SGCD: variants seen among roughly 807,000 people sequenced by gnomAD.
The protein encoded by SGCD is delta-sarcoglycan.
In SGCD, 18 loss-of-function variants were observed where a neutral mutation model predicts 36.6. The observed-to-expected ratio is 0.49, with a 90% CI of 0.34 to 0.73. The LOEUF is 0.73. Among genes scored for constraint, SGCD ranks in the 30% least tolerant of loss-of-function variants. The pLI is 0.01. For missense variants in SGCD, 387 were observed against 346.7 expected (o/e 1.12, Z -0.92); for synonymous variants, 133 against 130.6 (o/e 1.02, Z -0.12).
chr5:155,976,466 A>C (rs973140823), intron 1 of SGCD, among the ~76,000 whole-genome samples: 1 of 152,216 alleles, frequency 6.6e-6, no homozygotes, highest in African/African-American at 2.4e-5. Context: ...CCAGAACCAA[A>C]GCTGTTAACC....
intron 1 of SGCD, among the ~76,000 whole-genome samples, chr5:156,016,913 A>G (rs73810396): frequency 0.059 from 9,040 of 152,206 alleles, 941 homozygotes; most frequent in African/African-American, 0.21. Flanking sequence ...ACATTTGTGT[A>G]TATTCCTTGA....
chr5:156,541,207 A>G (rs1371230893), intron 4 of SGCD, among the ~76,000 whole-genome samples: 3 of 152,216 alleles, frequency 2.0e-5, no homozygotes, highest in African/African-American at 4.8e-5. Context: ...GAAGAGCTGT[A>G]CAAGTTAAGC....
chr5:156,725,358 T>C (rs116890356), intron 7 of SGCD, among the ~76,000 whole-genome samples: 1 of 152,356 alleles, frequency 6.6e-6, no homozygotes, highest in East Asian at 1.9e-4. Context: ...CTATGATTTA[T>C]TAATAGATAT....
At chr5:156,112,575 G>T (rs1330513105) in intron 1 of SGCD, among the ~76,000 whole-genome samples, 3 of 151,808 alleles carry the variant, frequency 2.0e-5, no homozygotes, top group South Asian at 2.1e-4. Context: ...TTATGGTTTG[G>T]TTTTTTTTGA....
rs116264535 is a variant in SGCD at position 156,468,869 on chromosome 5, G to A, written c.193-39732G>A. Among the ~76,000 whole-genome samples the A allele has an allele frequency of 7.0e-3, 1,060 of 152,218 alleles. 16 individuals are homozygous for A. Among genetic ancestry groups the A allele is most frequent in the African/African-American group, 0.024 (997 of 41,544 alleles). ...TAGCCAGGCGTGATGGCACATGCCC[G>A]TAATCCCAACTACTCAGGAGACTGA... On this transcript the variant is annotated intron_variant, in intron 3 of 8. Transcript: ENST00000337851.
chr5:156,250,237 T>C (rs1275201830), intron 3 of SGCD, among the ~76,000 whole-genome samples: 1 of 152,232 alleles, frequency 6.6e-6, no homozygotes, highest in Non-Finnish European at 1.5e-5. Flanking sequence ...CTGTTACCAC[T>C]GATATTTCCC....
intron 7 of SGCD, among the ~76,000 whole-genome samples, chr5:156,696,619 C>T (rs1270690808): frequency 6.6e-6 from 1 of 152,234 alleles, no homozygotes; most frequent in South Asian, 2.1e-4. Flanking sequence ...AAGCGATTCT[C>T]CTGCCTCAGC....
chr5:156,211,451 C>CA (rs1362285474), intron 3 of SGCD, among the ~76,000 whole-genome samples: 2 of 151,600 alleles, frequency 1.3e-5, no homozygotes, highest in Non-Finnish European at 2.9e-5. Flanking sequence ...ACTAAAAATA[C>CA]AAAAAAATTA....
intron 4 of SGCD, among the ~76,000 whole-genome samples, chr5:156,541,947 A>T (rs1431940387): frequency 6.6e-6 from 1 of 152,188 alleles, no homozygotes; most frequent in Non-Finnish European, 1.5e-5. Context: ...ACAACTTGGC[A>T]TTTTATTCCT....
At chr5:156,383,351 A>G (rs1771096915) in intron 3 of SGCD, among the ~76,000 whole-genome samples, 2 of 152,022 alleles carry the variant, frequency 1.3e-5, no homozygotes, top group African/African-American at 4.8e-5. Context: ...TAAAAATACA[A>G]AAATTACCCG....
intron 3 of SGCD, among the ~76,000 whole-genome samples, chr5:156,485,388 C>A (rs774315175): frequency 6.6e-6 from 1 of 152,120 alleles, no homozygotes; most frequent in Non-Finnish European, 1.5e-5. Context: ...GTGGGCCATG[C>A]GTGGTGGCTC....
At chr5:155,819,857 C>T in the SGCD span, among the ~76,000 whole-genome samples, 1 of 152,122 alleles carries the variant, frequency 6.6e-6, no homozygotes, top group Admixed American at 6.5e-5. Context: ...CTCTTGTGAC[C>T]TCAACATTTT....
the SGCD span, among the ~76,000 whole-genome samples, chr5:155,756,668 C>T: frequency 0.28 from 41,913 of 152,050 alleles, 7,357 homozygotes; most frequent in East Asian, 0.42. Context: ...GCCACAGTTG[C>T]AATTTCATGT....
intron 1 of SGCD, among the ~76,000 whole-genome samples, chr5:155,905,041 A>G (rs1183904296): frequency 1.3e-5 from 2 of 152,160 alleles, no homozygotes; most frequent in Admixed American, 6.6e-5. Flanking sequence ...TGTGAACATA[A>G]CAGTATCTTC....
Position 156,447,301 on chromosome 5 carries a change from C to T in SGCD, c.193-61300C>T, listed in dbSNP as rs113367035. ...CTAATCAGTGACTATTTTGGATGCC[C>T]AGAAATGGAAGTTTCTGTAGCATTC... On this transcript the variant is annotated intron_variant, in intron 3 of 8. Transcript: ENST00000337851. Among the ~76,000 whole-genome samples, 295 of 152,212 alleles carry T rather than the reference C, an allele frequency of 1.9e-3. 1 individual carries two copies. Among genetic ancestry groups the T allele is most frequent in the Middle Eastern group, 0.01 (3 of 294 alleles).
chr5:156,564,216 G>A lies in SGCD; in HGVS notation c.295-25015G>A, dbSNP rs151220552. ...TGTAATCCCAGCACTTTGGGAGGCC[G>A]AGGCAGGCTGATCACAAGGTCAGGA... On this transcript the variant is annotated intron_variant, in intron 4 of 8. Transcript: ENST00000337851. Among the ~76,000 whole-genome samples the A allele has an allele frequency of 0.014, 2,138 of 152,250 alleles. 96 individuals carry two copies. The East Asian group carries it at 0.17, about 12-fold the overall frequency.
At chr5:156,297,177 A>G (rs1343137095) in intron 3 of SGCD, among the ~76,000 whole-genome samples, 1 of 152,072 alleles carries the variant, frequency 6.6e-6, no homozygotes, top group Non-Finnish European at 1.5e-5. Flanking sequence ...TCTCTTAGTT[A>G]TTTTTAAATA....
chr5:155,901,823 ACTT>A (rs1756397257), intron 1 of SGCD, among the ~76,000 whole-genome samples: 2 of 152,272 alleles, frequency 1.3e-5, no homozygotes, highest in Admixed American at 6.5e-5. Flanking sequence ...AAACCTTTTT[ACTT>A]CTTAACCTTA....
intron 7 of SGCD, among the ~76,000 whole-genome samples, chr5:156,702,048 T>A (rs1449290303): frequency 6.6e-6 from 1 of 152,208 alleles, no homozygotes; most frequent in Non-Finnish European, 1.5e-5. Context: ...ACTTAAATGA[T>A]GTTGCTCCCC....
Sources: gnomAD v4.1 joint callset for allele counts (sites outside exome capture counted in the v4.1 genomes callset) on GRCh38, gnomAD v4.1.1 for gene constraint, MANE v1.5 for transcripts, NCBI Gene and HGNC (gene_info 2026-07-23, HGNC 2026-07-21) for gene names.